The following CCDC110 variants were observed in gnomAD, a reference collection of about 807,000 sequenced individuals.
The protein encoded by CCDC110 is coiled-coil domain-containing protein 110.
A neutral mutation model predicts 77.1 loss-of-function variants in CCDC110; 70 were observed. The ratio of observed to expected loss-of-function variants is 0.91; its 90% CI spans 0.75 to 1.11. The LOEUF is 1.11. Among genes scored for constraint, CCDC110 ranks in the 50% least tolerant of loss-of-function variants. The pLI, the probability that CCDC110 is intolerant of heterozygous loss-of-function variation, is 0.00. For missense variants in CCDC110, 868 were observed against 942.9 expected, an observed-to-expected ratio of 0.92 and a Z score of 1.04; for synonymous variants, 295 against 312.5, an observed-to-expected ratio of 0.94 and a Z score of 0.59.
chr4:185,460,259 C>T (rs371751192), intron 5 of CCDC110, 21 bp from the exon 6 acceptor site: 6 of 1,532,156 alleles, frequency 3.9e-6, no homozygotes, highest in Non-Finnish European at 5.3e-6. Flanking sequence ...AAGAAGTACA[C>T]TATAAATGTA....
chr4:185,448,426 A>G (rs567491272), intron 6 of CCDC110, among the ~76,000 whole-genome samples: 2 of 152,272 alleles, frequency 1.3e-5, no homozygotes, highest in African/African-American at 4.8e-5. Context: ...TGCATATTTT[A>G]TCTACTCTTT....
At chr4:185,465,330 A>G (rs1287860624) in intron 2 of CCDC110, among the ~76,000 whole-genome samples, 1 of 152,278 alleles carries the variant, frequency 6.6e-6, no homozygotes, top group East Asian at 1.9e-4. Flanking sequence ...CCAAATAAGA[A>G]ATATGAGACC....
chr4:185,471,436 G>C (rs533863991), intron 1 of CCDC110: 1 of 476,708 alleles, frequency 2.1e-6, no homozygotes, highest in East Asian at 3.8e-5. Context: ...GCGGCCACCC[G>C]AGGGCGCGCT....
intron 6 of CCDC110, chr4:185,457,447 C>T: frequency 2.8e-6 from 1 of 351,716 alleles, no homozygotes; most frequent in Non-Finnish European, 5.4e-6. Flanking sequence ...GAAACTGGGG[C>T]TTGGACAACC....
At chr4:185,465,610 G>A (rs1026026025) in intron 2 of CCDC110, among the ~76,000 whole-genome samples, 9 of 152,048 alleles carry the variant, frequency 5.9e-5, no homozygotes, top group Non-Finnish European at 1.3e-4. Context: ...GTGAAACGGG[G>A]AACTTTGGAA....
chr4:185,449,583 T>C lies in CCDC110; in HGVS notation c.2462-4041A>G, dbSNP rs183074294. On this transcript the variant is annotated intron_variant, in intron 6 of 6. Transcript: ENST00000307588. Reference sequence around the variant, plus strand: ...ACCTATAAAATTAATGTGTGTTTATTTTCCAATTTTAGGGCACTAAATTCA... The same window carrying C: ...ACCTATAAAATTAATGTGTGTTTATCTTCCAATTTTAGGGCACTAAATTCA... 70 of 1,519,992 alleles carry C rather than the reference T, an allele frequency of 4.6e-5. No homozygotes were observed. The Admixed American group carries it at 1.4e-3, about 30-fold the overall frequency. The allele number at this position is 1,519,992 out of a possible 1,614,324, so 94.2% of individuals were successfully genotyped here. A position where few individuals can be genotyped will look rare whatever the true frequency, so the allele number is the denominator to read the frequency against.
At chr4:185,445,842 T>C (rs1299613130) in intron 6 of CCDC110, among the ~76,000 whole-genome samples, 2 of 152,206 alleles carry the variant, frequency 1.3e-5, no homozygotes, top group African/African-American at 4.8e-5. Context: ...AAAGGTGTAT[T>C]TCTTTTTTAT....
At chr4:185,449,623 T>C (rs2095625581) in intron 6 of CCDC110, 3 of 1,544,444 alleles carry the variant, frequency 1.9e-6, no homozygotes, top group Non-Finnish European at 2.6e-6. Context: ...ACTACAAGAC[T>C]TCTTCAGTAC....
Position 185,462,837 on chromosome 4 carries a change from C to T in CCDC110, c.172-129G>A, listed in dbSNP as rs189599967. On this transcript the variant is annotated intron_variant, in intron 3 of 6. Transcript: ENST00000307588. ...GATCCCGTGAGGGTCAGGTGGTTCA[C>T]ATTCTTAGGCATTTTGCTAACTCCC... 4.4e-5 allele frequency: 45 copies of T among 1,014,112 alleles called. No homozygotes were observed. In the East Asian group the frequency reaches 1.1e-3, roughly 25 times the overall value. 62.8% of individuals were successfully genotyped at this position (1,014,112 alleles called of 1,614,324 possible). A position where few individuals can be genotyped will look rare whatever the true frequency, so the allele number is the denominator to read the frequency against.
At chr4:185,465,389 CAAAG>C (rs2095653634) in intron 2 of CCDC110, among the ~76,000 whole-genome samples, 1 of 152,200 alleles carries the variant, frequency 6.6e-6, no homozygotes, top group South Asian at 2.1e-4. Flanking sequence ...TCAAAGATTT[CAAAG>C]AAAGCAATGG....
chr4:185,463,851 A>G (rs1036840216), intron 2 of CCDC110, among the ~76,000 whole-genome samples: 2 of 152,128 alleles, frequency 1.3e-5, no homozygotes, highest in Non-Finnish European at 2.9e-5. Flanking sequence ...CCGTCTCTTC[A>G]TTCTGTGAGT....
At chr4:185,446,784 A>G (rs1400973358) in intron 6 of CCDC110, among the ~76,000 whole-genome samples, 2 of 152,206 alleles carry the variant, frequency 1.3e-5, no homozygotes, top group Non-Finnish European at 1.5e-5. Context: ...TGTGTTTTCT[A>G]TAAAAAAAAT....
intron 6 of CCDC110, among the ~76,000 whole-genome samples, chr4:185,454,069 C>CGGCCTCCCAAAGTGCT: frequency 1.3e-5 from 2 of 152,158 alleles, no homozygotes; most frequent in South Asian, 4.1e-4. Flanking sequence ...CCACCCGCCT[C>CGGCCTCCCAAAGTGCT]GGCCTCCCAA....
At chr4:185,457,961 G>GA (rs1338372655) in intron 6 of CCDC110, 165 bp downstream of exon 6, 6 of 619,420 alleles carry the variant, frequency 9.7e-6, no homozygotes, top group South Asian at 7.9e-5. Flanking sequence ...ATTTTATCTA[G>GA]AAAAAATTCC....
chr4:185,458,741 G>A lies in CCDC110; in HGVS notation c.1846C>T (p.Leu616=). 1 of 1,608,002 alleles carries A rather than the reference G, an allele frequency of 6.2e-7. No individual in the cohort carries two copies. Among genetic ancestry groups the A allele is most frequent in the Middle Eastern group, 1.7e-4 (1 of 6,028 alleles). Residue 616 remains leucine, a synonymous_variant, in exon 6 of 7, where the codon CTA becomes TTA. Coordinates refer to ENST00000307588, the MANE Select transcript of CCDC110 (RefSeq NM_152775.4). ...TTTGCCAATCTTTCTTTCTCTTTTAGCTGGATTATCTCTAGCTGGCTTTCT... is the reference window on the plus strand; with the variant it reads ...TTTGCCAATCTTTCTTTCTCTTTTAACTGGATTATCTCTAGCTGGCTTTCT... The part of the protein sequence containing the change: ...LKESQLEIIQ[L]KEKERLAKTE...
At position 185,459,213 on chromosome 4, in the gene CCDC110, T is replaced by C. The variant is rs1449423255; in HGVS notation, c.1374A>G (p.Lys458=). ...LESENLNLKS[K]MKPLIFTTQS... ...GTGTGGTAAAGATAAGAGGTTTCAT[T>C]TTGGACTTAAGGTTTAGATTTTCAC... The change falls in exon 6 of 7, where the codon AAA becomes AAG. Residue 458 remains lysine (K), a synonymous_variant. Coordinates refer to ENST00000307588, the MANE Select transcript of CCDC110 (RefSeq NM_152775.4). 5 of 1,604,436 alleles carry C rather than the reference T, an allele frequency of 3.1e-6. No homozygotes were observed. The highest frequency in any genetic ancestry group is 4.2e-6 in the Non-Finnish European group (5 of 1,177,320).
chr4:185,458,908 A>C lies in CCDC110; in HGVS notation c.1679T>G (p.Val560Gly). 6.2e-7 allele frequency: 1 copy of C among 1,608,218 alleles called. No homozygotes were observed. The highest frequency in any genetic ancestry group is 8.5e-7 in the Non-Finnish European group (1 of 1,178,718). ...EHKTQSDMAI[V>G]NNENNRMSIE... The stretch of plus-strand genomic sequence containing the variant: ...ACTCATTCGATTATTTTCATTATTT[A>C]CAATGGCCATATCACTTTGAGTTTT... The change falls in exon 6 of 7, where the codon GTA (valine) becomes GGA (glycine). Residue 560 changes from valine (V) to glycine (G), a missense_variant. By Grantham distance (109) the Val-to-Gly change is moderately radical. Coordinates refer to ENST00000307588, the MANE Select transcript of CCDC110 (RefSeq NM_152775.4).
At chr4:185,449,522 TAA>T (rs35349112) in intron 6 of CCDC110, 501 of 824,486 alleles carry the variant, frequency 6.1e-4, no homozygotes, top group South Asian at 1.3e-3. Flanking sequence ...GACCCGGTCT[TAA>T]AAAAAAAAAA....
chr4:185,447,214 C>T (rs938861709), intron 6 of CCDC110, among the ~76,000 whole-genome samples: 1 of 149,702 alleles, frequency 6.7e-6, no homozygotes, highest in African/African-American at 2.5e-5. Context: ...CGGAGTCTCA[C>T]TCTGTCGCCC....
Sources: gnomAD v4.1 joint callset for allele counts (sites outside exome capture counted in the v4.1 genomes callset) on GRCh38, gnomAD v4.1.1 for gene constraint, MANE v1.5 for transcripts, NCBI Gene and HGNC (gene_info 2026-07-23, HGNC 2026-07-21) for gene names.